APP: variants seen among roughly 807,000 people sequenced by gnomAD.
The protein encoded by APP is amyloid beta precursor protein.
A neutral mutation model predicts 101.4 loss-of-function variants in APP; 31 were observed. That is an observed-to-expected ratio of 0.31 (90% confidence interval 0.23 to 0.41). The LOEUF (loss-of-function observed/expected upper bound fraction) is 0.41. Ranked by LOEUF, APP falls within the 10% of genes least tolerant of loss-of-function variation. APP has a pLI of 1.00. For missense variants in APP, 839 were observed against 1,003.7 expected (o/e 0.84, Z 2.22); for synonymous variants, 366 against 364.4 (o/e 1.00, Z -0.05).
At chr21:25,966,566 T>C (rs1312459239) in intron 11 of APP, among the ~76,000 whole-genome samples, 1 of 152,210 alleles carries the variant, frequency 6.6e-6, no homozygotes. Flanking sequence ...TATTCATCTG[T>C]CCACATACCA....
In APP at chr21:26,107,634, A is replaced by G. The variant is rs140618181; in HGVS notation, c.225+4345T>C. ...CTCTTTGTTTGCCTTCAATGCTGCA[A>G]TTCCCCAAGGTGCTTTCCTTCGGTT... On this transcript the variant is annotated intron_variant, in intron 2 of 17. Coordinates refer to ENST00000346798, the MANE Select transcript of APP (RefSeq NM_000484.4). Among the ~76,000 whole-genome samples the G allele has an allele frequency of 2.1e-3, 320 of 152,176 alleles. 1 individual carries two copies. The highest frequency in any genetic ancestry group is 7.4e-3 in the African/African-American group (305 of 41,490).
At chr21:25,899,805 G>GTTAC (rs1049690364) in intron 15 of APP, among the ~76,000 whole-genome samples, 3 of 152,158 alleles carry the variant, frequency 2.0e-5, no homozygotes, top group African/African-American at 7.2e-5. Context: ...CGTAGCAATA[G>GTTAC]GTAACTAATG....
chr21:25,945,315 A>G (rs2040760879), intron 13 of APP, among the ~76,000 whole-genome samples: 1 of 151,310 alleles, frequency 6.6e-6, no homozygotes, highest in African/African-American at 2.4e-5. Context: ...AGTGTTGTTT[A>G]AAACCTCATT....
chr21:26,170,542 C>T (rs1419084323), intron 1 of APP, 22 bp downstream of exon 1: 3 of 1,536,804 alleles, frequency 2.0e-6, no homozygotes, highest in African/African-American at 1.4e-5. Flanking sequence ...CCTCCCCCCG[C>T]CTTCCGAGGC....
chr21:25,901,575 T>A (rs1030111730), intron 15 of APP, among the ~76,000 whole-genome samples: 1 of 152,158 alleles, frequency 6.6e-6, no homozygotes, highest in South Asian at 2.1e-4. Context: ...AAAGACAAAA[T>A]CAGTAAGCTG....
chr21:26,168,095 A>C (rs564094620), intron 1 of APP, among the ~76,000 whole-genome samples: 1 of 152,346 alleles, frequency 6.6e-6, no homozygotes, highest in South Asian at 2.1e-4. Context: ...AGCTAGATTT[A>C]AAAATAAATA....
intron 3 of APP, among the ~76,000 whole-genome samples, chr21:26,070,928 T>C (rs144638553): frequency 1.6e-4 from 25 of 152,288 alleles, no homozygotes; most frequent in Admixed American, 3.9e-4. Flanking sequence ...ACTTCAATCA[T>C]AGATGTAAAT....
intron 1 of APP, among the ~76,000 whole-genome samples, chr21:26,128,351 C>T (rs1340608858): frequency 6.6e-6 from 1 of 152,140 alleles, no homozygotes; most frequent in African/African-American, 2.4e-5. Flanking sequence ...ATTTACTATC[C>T]GTGAATCACA....
chr21:26,107,765 T>C (rs549231113), intron 2 of APP, among the ~76,000 whole-genome samples: 5 of 152,318 alleles, frequency 3.3e-5, no homozygotes, highest in African/African-American at 7.2e-5. Context: ...GGTATTAGTG[T>C]CACTGTCACC....
chr21:25,960,606 C>G (rs917010714), intron 11 of APP, among the ~76,000 whole-genome samples: 2 of 152,060 alleles, frequency 1.3e-5, no homozygotes, highest in African/African-American at 4.8e-5. Flanking sequence ...TTTGGCCTGC[C>G]ACAATAACAG....
chr21:26,154,294 T>G lies in APP; in HGVS notation c.57+16270A>C, dbSNP rs192044177. On this transcript the variant is annotated intron_variant, in intron 1 of 17. Transcript: ENST00000346798. ...TTACATACCCATACAGACAATAAAA[T>G]GTGTAAGGTAATGACAGGTCCATCT... Among the ~76,000 whole-genome samples, 3 of 152,276 alleles carry G rather than the reference T, an allele frequency of 2.0e-5. No individual in the cohort carries two copies. The East Asian group carries it at 5.8e-4, about 29-fold the overall frequency.
intron 13 of APP, among the ~76,000 whole-genome samples, chr21:25,913,810 T>G (rs1484328160): frequency 6.6e-6 from 1 of 152,184 alleles, no homozygotes; most frequent in Non-Finnish European, 1.5e-5. Flanking sequence ...TTCTCCTCTC[T>G]TCATCCCTGT....
At chr21:25,933,287 G>T (rs894035187) in intron 13 of APP, among the ~76,000 whole-genome samples, 1 of 152,126 alleles carries the variant, frequency 6.6e-6, no homozygotes, top group South Asian at 2.1e-4. Flanking sequence ...TTGTTTTGTA[G>T]AGATGGGGTC....
At chr21:26,124,798 G>C (rs2062647660) in intron 1 of APP, among the ~76,000 whole-genome samples, 1 of 152,242 alleles carries the variant, frequency 6.6e-6, no homozygotes, top group Non-Finnish European at 1.5e-5. Context: ...AGCTGTTTGA[G>C]TCCTAGGTTA....
At chr21:25,897,059 T>TTG (rs1401778549) in intron 16 of APP, among the ~76,000 whole-genome samples, 9 of 152,314 alleles carry the variant, frequency 5.9e-5, no homozygotes, top group African/African-American at 2.4e-5. Flanking sequence ...TAATTCCACT[T>TTG]TAAGTCCCGA....
chr21:26,013,113 T>A (rs2043888808), intron 6 of APP, among the ~76,000 whole-genome samples: 4 of 152,226 alleles, frequency 2.6e-5, no homozygotes, highest in African/African-American at 9.6e-5. Flanking sequence ...GGTCAGGAGT[T>A]CAAGACCAGC....
At chr21:25,975,847 A>G in intron 10 of APP, 107 bp downstream of exon 10, 1 of 879,528 alleles carries the variant, frequency 1.1e-6, no homozygotes, top group Non-Finnish European at 1.9e-6. Context: ...TCATGGGACT[A>G]TGAACAATCA....
chr21:25,886,795 T>C (rs1316401188), intron 17 of APP, among the ~76,000 whole-genome samples: 1 of 152,152 alleles, frequency 6.6e-6, no homozygotes, highest in Non-Finnish European at 1.5e-5. Flanking sequence ...CTTTTCCTTA[T>C]CGTGGCTTTC....
At chr21:25,901,535 A>G (rs1408868981) in intron 15 of APP, among the ~76,000 whole-genome samples, 1 of 152,206 alleles carries the variant, frequency 6.6e-6, no homozygotes, top group Non-Finnish European at 1.5e-5. Context: ...TCATCTAGGG[A>G]AGACTTTTTA....
Sources: allele counts gnomAD v4.1 joint callset (sites outside exome capture counted in the v4.1 genomes callset), GRCh38; gene constraint gnomAD v4.1.1; transcripts MANE v1.5; gene names NCBI Gene and HGNC (gene_info 2026-07-23, HGNC 2026-07-21).